The following DAW1 variants were observed in gnomAD, a reference collection of about 807,000 sequenced individuals.
DAW1 encodes dynein assembly factor with WD repeat domains 1.
Under a neutral mutation model 56.5 loss-of-function variants are expected in DAW1, and 47 were observed. The ratio of observed to expected loss-of-function variants is 0.83; its 90% confidence interval spans 0.66 to 1.06. The LOEUF (loss-of-function observed/expected upper bound fraction) is 1.06, where lower values mean the gene tolerates loss of function less well. Ranked by LOEUF, DAW1 falls within the 50% of genes least tolerant of loss-of-function variation. The pLI is 0.00. For synonymous variants in DAW1, 190 were observed against 179.0 expected, an observed-to-expected ratio of 1.06 and a Z score of -0.49; for missense variants, 505 against 499.3, an observed-to-expected ratio of 1.01 and a Z score of -0.11.
Position 227,912,176 on chromosome 2 carries a change from C to T in DAW1, c.973+4924C>T, listed in dbSNP as rs554123297. Reference sequence around the variant, plus strand: ...AACCAAGTATAATGTTACATTCTGCCTCATCTCCATGGTCAACATGTATGA... The same window carrying T: ...AACCAAGTATAATGTTACATTCTGCTTCATCTCCATGGTCAACATGTATGA... On this transcript the variant is annotated intron_variant, in intron 10 of 12. Coordinates refer to ENST00000309931, the MANE Select transcript of DAW1 (RefSeq NM_178821.3). The T allele has an allele frequency of 1.5e-4, 55 of 368,090 alleles. 1 individual carries two copies. Among genetic ancestry groups the T allele is most frequent in the South Asian group, 3.1e-4 (15 of 48,596 alleles). The allele number at this position is 368,090 out of a possible 1,614,324, so 22.8% of individuals were successfully genotyped here.
At position 227,893,795 on chromosome 2, in the gene DAW1, C is replaced by A. The variant is rs747800659; in HGVS notation, c.318C>A (p.Cys106Ter). 1 of 1,610,124 alleles carries A rather than the reference C, an allele frequency of 6.2e-7. No homozygotes were observed. The highest frequency in any genetic ancestry group is 8.5e-7 in the Non-Finnish European group (1 of 1,178,752). ...TNVALNKSGS[C>*]FITGSYDRTC... ...AACGTGTTTATATTCCTTGTGTTAG[C>A]TTTATCACAGGAAGCTATGATCGGA... The change falls in exon 5 of 13, where the codon TGC (cysteine) becomes TGA (stop). Residue 106 changes from cysteine (C) to a stop codon, truncating the protein, a stop_gained and splice_region_variant. Coordinates refer to ENST00000309931, the MANE Select transcript of DAW1 (RefSeq NM_178821.3). LOFTEE classifies it high-confidence loss of function.
rs372617337 is a variant in DAW1, at chr2:227,893,908, A to G, written c.431A>G (p.Asn144Ser). ...GTGGTTTATGCCATAGCATTCAACA[A>G]TCCTTACGGGTGTGTTCATCCCTTC... ...RNVVYAIAFN[N>S]PYGDKIATGS... Residue 144 changes from asparagine to serine, a missense_variant, in exon 5 of 13, where the codon AAT (asparagine) becomes AGT (serine). By Grantham distance (46) the Asn-to-Ser change is conservative (BLOSUM62 1). Coordinates refer to ENST00000309931, the MANE Select transcript of DAW1 (RefSeq NM_178821.3). 2.2e-5 allele frequency: 35 copies of G among 1,607,500 alleles called. No homozygotes were observed. Among genetic ancestry groups the G allele is most frequent in the South Asian group, 1.6e-4 (14 of 89,816 alleles).
intron 2 of DAW1, among the ~76,000 whole-genome samples, chr2:227,886,369 C>T (rs574175633): frequency 1.1e-3 from 164 of 152,232 alleles, no homozygotes; most frequent in African/African-American, 3.7e-3. Context: ...GTAATTTCAG[C>T]ACTTTAGGAG....
chr2:227,895,851 T>G (rs1186295540), intron 5 of DAW1, among the ~76,000 whole-genome samples: 2 of 152,092 alleles, frequency 1.3e-5, no homozygotes, highest in Non-Finnish European at 2.9e-5. Flanking sequence ...AGGGTTTGGA[T>G]GTGAGAAGAA....
At chr2:227,914,416 G>A (rs1411305164) in intron 10 of DAW1, among the ~76,000 whole-genome samples, 1 of 151,804 alleles carries the variant, frequency 6.6e-6, no homozygotes, top group East Asian at 1.9e-4. Context: ...TATGTTATTT[G>A]TCATAAGTAG....
chr2:227,888,778 A>G (rs1257510196), intron 2 of DAW1, among the ~76,000 whole-genome samples: 2 of 152,190 alleles, frequency 1.3e-5, no homozygotes, highest in African/African-American at 4.8e-5. Context: ...ATATACATTG[A>G]TACCTTTTTT....
chr2:227,912,161 A>T (rs1691841216), intron 10 of DAW1: 1 of 365,668 alleles, frequency 2.7e-6, no homozygotes, highest in Admixed American at 3.7e-5. Flanking sequence ...AACCAAGTAT[A>T]ATGTTACATT....
At chr2:227,892,642 A>G (rs1691292184) in intron 4 of DAW1, among the ~76,000 whole-genome samples, 1 of 152,166 alleles carries the variant, frequency 6.6e-6, no homozygotes, top group Admixed American at 6.5e-5. Flanking sequence ...AAGATGGTAG[A>G]AGGAAAATAC....
chr2:227,902,291 C>A (rs570954785), intron 6 of DAW1, among the ~76,000 whole-genome samples: 1 of 152,140 alleles, frequency 6.6e-6, no homozygotes, highest in East Asian at 1.9e-4. Flanking sequence ...GCAGTTGGTA[C>A]GGAAGGTGCA....
chr2:227,881,843 C>T (rs1691018965), intron 1 of DAW1, among the ~76,000 whole-genome samples: 1 of 145,856 alleles, frequency 6.9e-6, no homozygotes, highest in Non-Finnish European at 1.5e-5. Flanking sequence ...ACCTCCACCT[C>T]CTGGGTTCAA....
At chr2:227,876,351 CTT>C (rs1345834783) in intron 1 of DAW1, 15 of 1,073,256 alleles carry the variant, frequency 1.4e-5, no homozygotes, top group Non-Finnish European at 3.7e-6. Context: ...ACGTAATTCT[CTT>C]GACTCATGTT....
intron 5 of DAW1, among the ~76,000 whole-genome samples, chr2:227,895,024 CTT>C (rs1394678648): frequency 6.6e-6 from 1 of 152,166 alleles, no homozygotes; most frequent in African/African-American, 2.4e-5. Context: ...TAAGGCAAAT[CTT>C]TGAAAAATTG....
intron 10 of DAW1, among the ~76,000 whole-genome samples, chr2:227,909,270 A>ATCTATCTGTCTGTCTGTCTG (rs1553603365): frequency 3.5e-5 from 5 of 144,454 alleles, no homozygotes; most frequent in African/African-American, 1.3e-4. Flanking sequence ...CTATCTATCT[A>ATCTATCTGTCTGTCTGTCTG]TCTGTCTGTC....
intron 5 of DAW1, among the ~76,000 whole-genome samples, chr2:227,895,093 T>C (rs576864934): frequency 6.6e-6 from 1 of 152,334 alleles, no homozygotes; most frequent in South Asian, 2.1e-4. Context: ...AATCACACTG[T>C]CAAAATCTAG....
At chr2:227,917,134 ATCTATCTATCTGTCTG>A (rs1443474043) in intron 10 of DAW1, among the ~76,000 whole-genome samples, 22 of 137,092 alleles carry the variant, frequency 1.6e-4, no homozygotes, top group African/African-American at 6.0e-4. Flanking sequence ...CTATCTATCT[ATCTATCTATCTGTCTG>A]TCTGTCTGTC....
chr2:227,895,360 GCTAAAT>G (rs1691382532), intron 5 of DAW1: 1 of 152,150 alleles, frequency 6.6e-6, no homozygotes, highest in Non-Finnish European at 1.5e-5. Flanking sequence ...GATTGCACAT[GCTAAAT>G]GAATTTTTCC....
Position 227,892,446 on chromosome 2 carries a change from T to C in DAW1, c.317+1133T>C, listed in dbSNP as rs111905720. ...ACCACGCCCAGCCGTAACTTAACTA[T>C]TAATAATTATATCTGCAAGATCTTA... On this transcript the variant is annotated intron_variant, in intron 4 of 12. Coordinates refer to ENST00000309931, the MANE Select transcript of DAW1 (RefSeq NM_178821.3). Among the ~76,000 whole-genome samples the C allele has an allele frequency of 2.8e-3, 434 of 152,336 alleles. 2 individuals carry two copies. Among genetic ancestry groups the C allele is most frequent in the African/African-American group, 9.8e-3 (409 of 41,584 alleles).
chr2:227,902,330 G>T (rs1324397880), intron 6 of DAW1, among the ~76,000 whole-genome samples: 1 of 152,140 alleles, frequency 6.6e-6, no homozygotes, highest in East Asian at 1.9e-4. Flanking sequence ...ACAGTGTCGA[G>T]GATACTGGGA....
intron 6 of DAW1, among the ~76,000 whole-genome samples, chr2:227,902,035 C>A: frequency 6.6e-6 from 1 of 151,862 alleles, no homozygotes; most frequent in South Asian, 2.1e-4. Context: ...TGGAAGGAGG[C>A]CAGGTTGTCT....
Sources: gnomAD v4.1 joint callset for allele counts (sites outside exome capture counted in the v4.1 genomes callset) on GRCh38, gnomAD v4.1.1 for gene constraint, MANE v1.5 for transcripts, NCBI Gene and HGNC (gene_info 2026-07-23, HGNC 2026-07-21) for gene names.